MKLN1: variants seen among roughly 807,000 people sequenced by gnomAD.
MKLN1 encodes the protein muskelin.
Under a neutral mutation model 99.0 loss-of-function variants are expected in MKLN1, and 18 were observed. The ratio of observed to expected loss-of-function variants is 0.18; its 90% CI spans 0.13 to 0.27. The LOEUF is 0.27. Ranked by LOEUF, MKLN1 falls within the 10% of genes least tolerant of loss-of-function variation. The pLI, the probability that MKLN1 is intolerant of heterozygous loss-of-function variation, is 1.00. For synonymous variants in MKLN1, 288 were observed against 293.2 expected (o/e 0.98, Z 0.18); for missense variants, 621 against 875.9 (o/e 0.71, Z 3.67).
At chr7:131,428,145 A>G (rs1795412951) in intron 8 of MKLN1, among the ~76,000 whole-genome samples, 1 of 152,162 alleles carries the variant, frequency 6.6e-6, no homozygotes, top group Non-Finnish European at 1.5e-5. Flanking sequence ...AGCATGGGCA[A>G]CAGAGAGAGA....
intron 1 of MKLN1, among the ~76,000 whole-genome samples, chr7:131,339,964 T>C (rs1445176146): frequency 6.6e-6 from 1 of 152,126 alleles, no homozygotes; most frequent in Non-Finnish European, 1.5e-5. Context: ...ATGTATTTTT[T>C]GTTAAAGAAG....
rs1368024266 is a variant in MKLN1 at position 131,192,109 on chromosome 7, TTA to T, written c.-296-10739_-296-10738del. Among the ~76,000 whole-genome samples, 27 of 80,328 alleles carry T rather than the reference TTA, an allele frequency of 3.4e-4. 4 individuals are homozygous for T. Among genetic ancestry groups the T allele is most frequent in the Non-Finnish European group, 5.0e-4 (22 of 43,580 alleles). 52.7% of individuals were successfully genotyped at this position (80,328 alleles called of 152,430 possible). On this transcript the variant is annotated intron_variant, in intron 2 of 7. Coordinates refer to the MKLN1 transcript ENST00000416992. ...TATTATATATATATGTATATATATA[TTA>T]TATATATACGTATATATATAAAAAT...
intron 1 of MKLN1, among the ~76,000 whole-genome samples, chr7:131,134,760 T>C (rs1413737488): frequency 6.6e-6 from 1 of 152,228 alleles, no homozygotes; most frequent in Non-Finnish European, 1.5e-5. Flanking sequence ...CTTTAGACTA[T>C]TACAGTAGTC....
chr7:131,453,242 A>G (rs1046676420), intron 12 of MKLN1, among the ~76,000 whole-genome samples: 2 of 152,248 alleles, frequency 1.3e-5, no homozygotes, highest in Non-Finnish European at 2.9e-5. Context: ...AAGAACACTA[A>G]CAACAATTTT....
chr7:131,407,209 C>A (rs190591033), intron 6 of MKLN1, among the ~76,000 whole-genome samples: 10 of 151,932 alleles, frequency 6.6e-5, no homozygotes, highest in Admixed American at 6.6e-4. Flanking sequence ...CTAACAATTC[C>A]ATTTTTGTTT....
intron 1 of MKLN1, among the ~76,000 whole-genome samples, chr7:131,135,353 C>T (rs1795633089): frequency 6.6e-6 from 1 of 152,204 alleles, no homozygotes; most frequent in Non-Finnish European, 1.5e-5. Flanking sequence ...AAACTCCTGA[C>T]CTCAGGTGAT....
chr7:131,346,729 T>C (rs1166347037), intron 1 of MKLN1, among the ~76,000 whole-genome samples: 6 of 152,218 alleles, frequency 3.9e-5, no homozygotes, highest in Non-Finnish European at 1.5e-5. Context: ...TGTGAATCTT[T>C]TAAAAATGCT....
In MKLN1 at chr7:131,342,839, T is replaced by TA. The variant is rs536777737; in HGVS notation, c.98+14848dup. On this transcript the variant is annotated intron_variant, in intron 1 of 17. Transcript: ENST00000352689. ...GTGACAGGTTAAAGACAAACCTTTT[T>TA]AAAAAATGTATATTTTTATTGCTAT... is the stretch of plus-strand genomic sequence containing the variant. 3.1e-3 allele frequency among the ~76,000 whole-genome samples: 473 copies of TA among 152,344 alleles called. 1 individual carries two copies. The highest frequency in any genetic ancestry group is 0.011 in the African/African-American group (451 of 41,576).
chr7:131,410,561 G>C (rs1437832687), intron 6 of MKLN1, among the ~76,000 whole-genome samples: 2 of 152,062 alleles, frequency 1.3e-5, no homozygotes, highest in East Asian at 3.9e-4. Flanking sequence ...CAAGGACCTA[G>C]ACCAAAATTA....
chr7:131,201,992 A>G (rs775825633), intron 2 of MKLN1, among the ~76,000 whole-genome samples: 19 of 152,132 alleles, frequency 1.2e-4, no homozygotes, highest in Non-Finnish European at 2.2e-4. Context: ...AACACTTGTA[A>G]TAGGTTACAG....
chr7:131,362,805 T>G (rs1800070042), intron 1 of MKLN1, among the ~76,000 whole-genome samples: 2 of 151,916 alleles, frequency 1.3e-5, no homozygotes, highest in African/African-American at 4.8e-5. Flanking sequence ...GTGTATTTTT[T>G]GGGGGAGGAT....
intron 3 of MKLN1, among the ~76,000 whole-genome samples, chr7:131,241,753 G>A (rs1797407263): frequency 6.6e-6 from 1 of 152,214 alleles, no homozygotes; most frequent in African/African-American, 2.4e-5. Context: ...ATTAATGCTT[G>A]GATGATAGGC....
intron 1 of MKLN1, among the ~76,000 whole-genome samples, chr7:131,368,805 T>C (rs540734928): frequency 3.9e-4 from 59 of 152,272 alleles, no homozygotes; most frequent in African/African-American, 1.3e-3. Flanking sequence ...TCAACTATTA[T>C]TTTCAACAAT....
intron 13 of MKLN1, among the ~76,000 whole-genome samples, chr7:131,463,656 T>C (rs1584769616): frequency 6.6e-6 from 1 of 152,228 alleles, no homozygotes; most frequent in Non-Finnish European, 1.5e-5. Flanking sequence ...AGAACAGTGC[T>C]GTTTCTTTAA....
intron 1 of MKLN1, among the ~76,000 whole-genome samples, chr7:131,133,819 G>GTTTTTTTTTTTTTTTTTTTTTTTT (rs1563226557): frequency 3.0e-5 from 2 of 67,236 alleles, no homozygotes; most frequent in African/African-American, 5.1e-5. Context: ...TTTTTAATTT[G>GTTTTTTTTTTTTTTTTTTTTTTTT]GTTTTTTTTT....
chr7:131,129,180 C>G (rs1430794343), intron 1 of MKLN1, among the ~76,000 whole-genome samples: 1 of 152,046 alleles, frequency 6.6e-6, no homozygotes, highest in Non-Finnish European at 1.5e-5. Flanking sequence ...TGTCTTTGTG[C>G]CTAGCAAATT....
chr7:131,141,135 T>C (rs1321182042), intron 1 of MKLN1, among the ~76,000 whole-genome samples: 1 of 152,122 alleles, frequency 6.6e-6, no homozygotes, highest in Non-Finnish European at 1.5e-5. Flanking sequence ...TCTCTTTTTC[T>C]CTGCTCCTAC....
At chr7:131,145,637 GT>G (rs1795805710) in intron 2 of MKLN1, among the ~76,000 whole-genome samples, 1 of 152,218 alleles carries the variant, frequency 6.6e-6, no homozygotes, top group South Asian at 2.1e-4. Flanking sequence ...ATGTAGGTGT[GT>G]AAGGGGGATG....
rs74382675 is a variant in MKLN1 at position 131,236,024 on chromosome 7, T to G, written c.-179+33050T>G. On this transcript the variant is annotated intron_variant, in intron 3 of 7. Coordinates refer to the MKLN1 transcript ENST00000416992. ...TCAAAGGAAGTCAAATAATAATTTG[T>G]AGAATCTTAGTCTAGGGTGAGAGGT... 5.0e-3 allele frequency among the ~76,000 whole-genome samples: 763 copies of G among 152,298 alleles called. 6 individuals are homozygous for G. The highest frequency in any genetic ancestry group is 0.017 in the African/African-American group (699 of 41,564).
Sources: gnomAD v4.1 joint callset for allele counts (sites outside exome capture counted in the v4.1 genomes callset) on GRCh38, gnomAD v4.1.1 for gene constraint, MANE v1.5 for transcripts, NCBI Gene and HGNC (gene_info 2026-07-23, HGNC 2026-07-21) for gene names.